TRAF5: variants seen among roughly 807,000 people sequenced by gnomAD.
TRAF5 encodes the protein TNF receptor associated factor 5, also known as TNF receptor-associated factor 5.
TRAF5 carries 48 observed loss-of-function variants against 64.5 expected under a neutral mutation model. The ratio of observed to expected loss-of-function variants is 0.74; its 90% CI spans 0.59 to 0.95. The LOEUF (loss-of-function observed/expected upper bound fraction) is 0.95. Ranked by LOEUF, TRAF5 falls within the 40% of genes least tolerant of loss-of-function variation. The pLI is 0.00. For synonymous variants in TRAF5, 206 were observed against 240.5 expected (o/e 0.86, Z 1.33); for missense variants, 545 against 662.8 (o/e 0.82, Z 1.95).
At chr1:211,360,671 C>G (rs1192968368) in intron 5 of TRAF5, 31 bp from the exon 6 acceptor site, 1 of 1,570,568 alleles carries the variant, frequency 6.4e-7, no homozygotes, top group Non-Finnish European at 8.8e-7. Flanking sequence ...GAAAGACAAC[C>G]CTTTGTTTTA....
intron 1 of TRAF5, among the ~76,000 whole-genome samples, chr1:211,337,691 A>AG (rs1015019498): frequency 6.6e-6 from 1 of 151,932 alleles, no homozygotes; most frequent in African/African-American, 2.4e-5. Flanking sequence ...CGAGGAGGAG[A>AG]GGGGGGATAT....
chr1:211,372,711 A>T lies in TRAF5; in HGVS notation c.*9A>T, dbSNP rs371227861. 1 of 1,611,270 alleles carries T rather than the reference A, an allele frequency of 6.2e-7. No homozygotes were observed. The highest frequency in any genetic ancestry group is 2.2e-5 in the East Asian group (1 of 44,862). On this transcript the variant is annotated 3_prime_UTR_variant, in exon 11 of 11. Coordinates refer to ENST00000261464, the MANE Select transcript of TRAF5 (RefSeq NM_001033910.3). The stretch of plus-strand genomic sequence containing the variant: ...ACCTGGAGGATCTCTAGTCACTGTT[A>T]TGGGGTGATAAGAGGACTTCTTGGG...
At chr1:211,369,333 A>T in intron 8 of TRAF5, 119 bp from the exon 9 acceptor site, 1 of 965,040 alleles carries the variant, frequency 1.0e-6, no homozygotes, top group Non-Finnish European at 1.5e-6. Flanking sequence ...TTTTCCTAGA[A>T]ATAAATATGT....
At chr1:211,330,562 C>T (rs1241814138) in intron 1 of TRAF5, among the ~76,000 whole-genome samples, 1 of 152,100 alleles carries the variant, frequency 6.6e-6, no homozygotes, top group Non-Finnish European at 1.5e-5. Context: ...CATGTTTCCC[C>T]AGTCCCTCTT....
intron 1 of TRAF5, among the ~76,000 whole-genome samples, chr1:211,342,502 C>G (rs910824012): frequency 6.6e-6 from 1 of 152,082 alleles, no homozygotes; most frequent in Non-Finnish European, 1.5e-5. Context: ...CATCCCAATT[C>G]TTTTAGTTAT....
chr1:211,359,809 C>G (rs1703113122), intron 4 of TRAF5, 103 bp from the exon 5 acceptor site: 2 of 1,425,522 alleles, frequency 1.4e-6, no homozygotes, highest in South Asian at 2.5e-5. Flanking sequence ...CCTTTCTGCC[C>G]AGCTGCCCAC....
chr1:211,340,660 C>A (rs1446976407), intron 1 of TRAF5, among the ~76,000 whole-genome samples: 4 of 152,186 alleles, frequency 2.6e-5, no homozygotes, highest in African/African-American at 9.7e-5. Context: ...CTCCTTGCTT[C>A]TAGCCCTCCT....
rs2271458 is a variant in TRAF5 at position 211,360,714 on chromosome 1, A to C, written c.556A>C (p.Asn186His). Reference protein sequence around the residue: ...VVINLQNHEENLCPEYPVFCP... With the variant: ...VVINLQNHEEHLCPEYPVFCP... Reference sequence around the variant, plus strand: ...TTCTCTATTTCAGAATCATGAGGAAAACTTGTGTCCTGAATACCCAGTATT... The same window carrying C: ...TTCTCTATTTCAGAATCATGAGGAACACTTGTGTCCTGAATACCCAGTATT... Residue 186 changes from asparagine (N) to histidine (H), a missense_variant, in exon 6 of 11, where the codon AAC (asparagine) becomes CAC (histidine). Physicochemically the swap from Asn to His is moderately conservative, Grantham distance 68. Transcript: ENST00000261464. 9.2e-4 allele frequency: 1,485 copies of C among 1,613,924 alleles called. 27 individuals are homozygous for C. The East Asian group carries it at 0.031, about 34-fold the overall frequency.
intron 7 of TRAF5, among the ~76,000 whole-genome samples, chr1:211,364,688 A>AAAAC (rs10677348): frequency 0.96 from 144,443 of 150,884 alleles, 69,196 homozygotes; most frequent in East Asian, 1. Context: ...TCCATCTCAA[A>AAAAC]AAACAAACAA....
rs1372237247 is a variant in TRAF5, at chr1:211,372,400, C to T, written c.1372C>T (p.His458Tyr). The T allele has an allele frequency of 6.2e-7, 1 of 1,613,998 alleles. No homozygotes were observed. The highest frequency in any genetic ancestry group is 8.5e-7 in the Non-Finnish European group (1 of 1,180,034). ...LNGDGSGRGS[H>Y]LSLYFVVMRG... ...TGGGGATGGGTCAGGGAGGGGGTCA[C>T]ACCTGTCCCTATACTTTGTGGTCAT... The change falls in exon 11 of 11, where the codon CAC becomes TAC. Residue 458 changes from histidine (H) to tyrosine (Y), a missense_variant. Physicochemically the swap from His to Tyr is moderately conservative, Grantham distance 83. Transcript: ENST00000261464.
Position 211,353,444 on chromosome 1 carries a change from A to T in TRAF5, c.205A>T (p.Ile69Phe). The change falls in exon 2 of 11, where the codon ATC (isoleucine) becomes TTC (phenylalanine). Residue 69 changes from isoleucine to phenylalanine, a missense_variant. Coordinates refer to ENST00000261464, the MANE Select transcript of TRAF5 (RefSeq NM_001033910.3). ...GCGHRFCQHC[I>F]LSLRELNTVP... ...TGGGCACCGCTTCTGCCAGCACTGC[A>T]TCCTGTCCCTGAGGTGAGTGGGCAG... The T allele has an allele frequency of 6.2e-7, 1 of 1,613,216 alleles. No homozygotes were observed. Among genetic ancestry groups the T allele is most frequent in the Non-Finnish European group, 8.5e-7 (1 of 1,179,934 alleles).
At chr1:211,344,990 T>C (rs1273928334) in intron 1 of TRAF5, among the ~76,000 whole-genome samples, 1 of 152,118 alleles carries the variant, frequency 6.6e-6, no homozygotes, top group Non-Finnish European at 1.5e-5. Context: ...AATGGTACAA[T>C]CTCGGCTCAC....
At chr1:211,344,506 C>T (rs760336278) in intron 1 of TRAF5, among the ~76,000 whole-genome samples, 11 of 152,206 alleles carry the variant, frequency 7.2e-5, no homozygotes, top group Admixed American at 2.6e-4. Flanking sequence ...CGTGGTGTCA[C>T]CTGGTCTCTG....
At chr1:211,356,341 T>G in intron 3 of TRAF5, 26 bp from the exon 4 acceptor site, 4 of 1,585,700 alleles carry the variant, frequency 2.5e-6, no homozygotes, top group Non-Finnish European at 3.5e-6. Flanking sequence ...TTGAAGTGTG[T>G]GAGACCTATT....
chr1:211,371,582 G>A, intron 10 of TRAF5, 112 bp downstream of exon 10: 1 of 1,071,734 alleles, frequency 9.3e-7, no homozygotes, highest in Non-Finnish European at 1.3e-6. Context: ...ATAAACAATG[G>A]CTGAATCTGC....
At chr1:211,350,544 C>T (rs528485710) in intron 1 of TRAF5, among the ~76,000 whole-genome samples, 1 of 152,278 alleles carries the variant, frequency 6.6e-6, no homozygotes, top group African/African-American at 2.4e-5. Context: ...TGGGAAGCCA[C>T]TAAAAGATGA....
intron 3 of TRAF5, among the ~76,000 whole-genome samples, chr1:211,355,253 T>C (rs1702923609): frequency 6.6e-6 from 1 of 152,206 alleles, no homozygotes; most frequent in African/African-American, 2.4e-5. Flanking sequence ...CAAATATTTT[T>C]CTTCCATTCT....
At chr1:211,356,761 G>A in intron 4 of TRAF5, 1 of 249,836 alleles carries the variant, frequency 4.0e-6, no homozygotes, top group East Asian at 8.5e-5. Flanking sequence ...GGACATGCTG[G>A]ACAAAACAAA....
chr1:211,353,635 G>A, intron 2 of TRAF5, 178 bp downstream of exon 2: 1 of 645,052 alleles, frequency 1.6e-6, no homozygotes, highest in Non-Finnish European at 2.6e-6. Context: ...ATCATTTTTT[G>A]GTCACTAATT....
Sources: allele counts gnomAD v4.1 joint callset (sites outside exome capture counted in the v4.1 genomes callset), GRCh38; gene constraint gnomAD v4.1.1; transcripts MANE v1.5; gene names NCBI Gene and HGNC (gene_info 2026-07-23, HGNC 2026-07-21).